EPB41L4A: variants seen among roughly 807,000 people sequenced by gnomAD.
The protein encoded by EPB41L4A is erythrocyte membrane protein band 4.1 like 4A.
Under a neutral mutation model 108.6 loss-of-function variants are expected in EPB41L4A, and 100 were observed. The ratio of observed to expected loss-of-function variants is 0.92; its 90% CI spans 0.78 to 1.09. The LOEUF (loss-of-function observed/expected upper bound fraction) is 1.09. EPB41L4A is among the 50% of genes least tolerant of loss of function. EPB41L4A has a pLI of 0.00. For synonymous variants in EPB41L4A, 319 were observed against 289.0 expected, an observed-to-expected ratio of 1.10 and a Z score of -1.05; for missense variants, 1,030 against 842.7, an observed-to-expected ratio of 1.22 and a Z score of -2.75.
chr5:112,357,992 G>T (rs1259600077), intron 1 of EPB41L4A, among the ~76,000 whole-genome samples: 1 of 152,206 alleles, frequency 6.6e-6, no homozygotes, highest in East Asian at 1.9e-4. Context: ...AATAGTCCAA[G>T]AACAAGTGAC....
chr5:112,222,141 C>T (rs1322279586), intron 12 of EPB41L4A, among the ~76,000 whole-genome samples: 1 of 152,172 alleles, frequency 6.6e-6, no homozygotes, highest in Non-Finnish European at 1.5e-5. Flanking sequence ...TAAAAGTAGG[C>T]TGACTCTGAC....
rs762377733 is a variant in EPB41L4A at position 112,264,878 on chromosome 5, T to C, written c.554+18A>G. 7.5e-6 allele frequency: 12 copies of C among 1,601,988 alleles called. No individual in the cohort carries two copies. Among genetic ancestry groups the C allele is most frequent in the Admixed American group, 7.0e-5 (4 of 57,016 alleles). On this transcript the variant is annotated intron_variant, in intron 6 of 22. Transcript: ENST00000261486. Reference sequence around the variant, plus strand: ...GACTGATGGATGATGCAATAAGACATGGTGTAATGATTCTTACATTAGAGT... The same window carrying C: ...GACTGATGGATGATGCAATAAGACACGGTGTAATGATTCTTACATTAGAGT...
At chr5:112,287,858 G>A (rs113434053) in intron 2 of EPB41L4A, among the ~76,000 whole-genome samples, 1 of 152,286 alleles carries the variant, frequency 6.6e-6, no homozygotes, top group African/African-American at 2.4e-5. Flanking sequence ...GAGGTTTCCA[G>A]GTAAACTGTT....
intron 1 of EPB41L4A, among the ~76,000 whole-genome samples, chr5:112,315,342 G>A (rs1342639929): frequency 6.6e-6 from 1 of 152,194 alleles, no homozygotes; most frequent in African/African-American, 2.4e-5. Flanking sequence ...TGGAAAGCAT[G>A]TGCTGAGTAT....
intron 1 of EPB41L4A, among the ~76,000 whole-genome samples, chr5:112,334,483 C>T (rs1756792151): frequency 6.6e-6 from 1 of 152,112 alleles, no homozygotes; most frequent in Admixed American, 6.6e-5. Context: ...CTACATAATA[C>T]AAACCTTAGT....
At chr5:112,188,874 A>C (rs765190513) in intron 17 of EPB41L4A, among the ~76,000 whole-genome samples, 1 of 152,196 alleles carries the variant, frequency 6.6e-6, no homozygotes, top group East Asian at 1.9e-4. Flanking sequence ...GTTCTTCTTT[A>C]CCACTCCCAA....
At chr5:112,351,766 T>C (rs1223253560) in intron 1 of EPB41L4A, among the ~76,000 whole-genome samples, 2 of 151,906 alleles carry the variant, frequency 1.3e-5, no homozygotes, top group Non-Finnish European at 2.9e-5. Context: ...AAAATCCAAA[T>C]CCAGCAACAT....
intron 1 of EPB41L4A, among the ~76,000 whole-genome samples, chr5:112,385,832 A>G (rs901991746): frequency 6.6e-6 from 1 of 152,246 alleles, no homozygotes; most frequent in Admixed American, 6.5e-5. Context: ...CAGTCTCACA[A>G]GCTCCTAGTG....
At chr5:112,199,190 A>G (rs1398915615) in intron 15 of EPB41L4A, among the ~76,000 whole-genome samples, 1 of 152,194 alleles carries the variant, frequency 6.6e-6, no homozygotes, top group East Asian at 1.9e-4. Flanking sequence ...CTCTAGTCTC[A>G]TGCCTGGGAG....
At chr5:112,411,891 G>A (rs1251509956) in intron 1 of EPB41L4A, among the ~76,000 whole-genome samples, 3 of 152,216 alleles carry the variant, frequency 2.0e-5, no homozygotes, top group African/African-American at 7.2e-5. Context: ...TGAAGGTCAA[G>A]GTGGAACCTG....
At chr5:112,377,922 G>C (rs1468215414) in intron 1 of EPB41L4A, among the ~76,000 whole-genome samples, 1 of 151,954 alleles carries the variant, frequency 6.6e-6, no homozygotes, top group Non-Finnish European at 1.5e-5. Context: ...GAACAAAAAA[G>C]GATACTACTC....
intron 1 of EPB41L4A, among the ~76,000 whole-genome samples, chr5:112,329,914 G>A (rs1042134383): frequency 3.9e-5 from 6 of 152,014 alleles, no homozygotes; most frequent in Non-Finnish European, 8.8e-5. Context: ...ATCCTTACAG[G>A]TCTCCACAAG....
chr5:112,205,926 A>C, intron 13 of EPB41L4A: 1 of 166,934 alleles, frequency 6.0e-6, no homozygotes, highest in Non-Finnish European at 1.3e-5. Context: ...ACGGGTCTGA[A>C]TCCACACAGG....
intron 11 of EPB41L4A, among the ~76,000 whole-genome samples, chr5:112,237,301 T>C (rs1749415414): frequency 6.6e-6 from 1 of 152,230 alleles, no homozygotes; most frequent in African/African-American, 2.4e-5. Flanking sequence ...ATTTAATTTT[T>C]AATCTTCATT....
intron 14 of EPB41L4A, among the ~76,000 whole-genome samples, 179 bp downstream of exon 14, chr5:112,205,242 G>A (rs1222253527): frequency 2.0e-5 from 3 of 148,838 alleles, no homozygotes; most frequent in East Asian, 4.0e-4. Flanking sequence ...ACATACTGTT[G>A]ATTTCCACTT....
rs181507476 is a variant in EPB41L4A at position 112,164,940 on chromosome 5, C to A, written c.*50G>T. 5,467 of 1,507,688 alleles carry A rather than the reference C, an allele frequency of 3.6e-3. 17 individuals carry two copies. Among genetic ancestry groups the A allele is most frequent in the Middle Eastern group, 9.9e-3 (56 of 5,648 alleles). The allele number at this position is 1,507,688 out of a possible 1,614,324, so 93.4% of individuals were successfully genotyped here. A position where few individuals can be genotyped will look rare whatever the true frequency, so the allele number is the denominator to read the frequency against. The stretch of plus-strand genomic sequence containing the variant: ...TACCTATTTCACAGTTTCAAAAGTA[C>A]CAGTGGCGCACACAACCTTCCCACC... On this transcript the variant is annotated 3_prime_UTR_variant, in exon 23 of 23. Coordinates refer to ENST00000261486, the MANE Select transcript of EPB41L4A (RefSeq NM_022140.5).
intron 12 of EPB41L4A, among the ~76,000 whole-genome samples, chr5:112,156,226 C>T (rs562112271): frequency 1.3e-5 from 2 of 152,084 alleles, no homozygotes; most frequent in South Asian, 4.2e-4. Context: ...AGGAAACTTC[C>T]CTAACCCAAC....
intron 12 of EPB41L4A, 75 bp from the exon 13 acceptor site, chr5:112,210,057 T>C: frequency 2.2e-6 from 2 of 900,756 alleles, no homozygotes; most frequent in East Asian, 2.6e-5. Flanking sequence ...AGAAGACTTA[T>C]TTTAAAATGC....
chr5:112,301,259 T>C (rs1462399354), intron 2 of EPB41L4A, among the ~76,000 whole-genome samples: 1 of 152,206 alleles, frequency 6.6e-6, no homozygotes, highest in East Asian at 1.9e-4. Context: ...TTTTTCTGGT[T>C]CCTTCTCCTT....
Sources: gnomAD v4.1 joint callset for allele counts (sites outside exome capture counted in the v4.1 genomes callset) on GRCh38, gnomAD v4.1.1 for gene constraint, MANE v1.5 for transcripts, NCBI Gene and HGNC (gene_info 2026-07-23, HGNC 2026-07-21) for gene names.